PSD3: variants seen among roughly 807,000 people sequenced by gnomAD.
PSD3 encodes the protein pleckstrin and Sec7 domain containing 3.
In PSD3, 49 loss-of-function variants were observed where a neutral mutation model predicts 105.5. The observed-to-expected ratio is 0.46, with a 90% CI of 0.37 to 0.59. The LOEUF is 0.59. Ranked by LOEUF, PSD3 falls within the 20% of genes least tolerant of loss-of-function variation. The probability of loss-of-function intolerance (pLI) is 0.00; values close to 1 mark genes in which losing one functional copy is unlikely to be tolerated. For missense variants in PSD3, 1,561 were observed against 1,263.8 expected (o/e 1.24, Z -3.57); for synonymous variants, 557 against 457.8 (o/e 1.22, Z -2.77).
At chr8:18,713,532 A>G (rs577699240) in intron 9 of PSD3, among the ~76,000 whole-genome samples, 1 of 152,274 alleles carries the variant, frequency 6.6e-6, no homozygotes, top group African/African-American at 2.4e-5. Flanking sequence ...CCCATTCACA[A>G]TTGCTACAAA....
At chr8:18,812,806 G>A (rs953981145) in intron 4 of PSD3, among the ~76,000 whole-genome samples, 1 of 152,160 alleles carries the variant, frequency 6.6e-6, no homozygotes, top group Admixed American at 6.5e-5. Flanking sequence ...ATTCTCAGTC[G>A]CTGGCCTGCG....
Position 19,071,268 on chromosome 8 carries a change from G to A in PSD3, c.324+12938C>T, listed in dbSNP as rs150235989. The stretch of plus-strand genomic sequence containing the variant: ...TTTTTAGTAGAGATGGGGTTTTGCC[G>A]TGTTGGCCAGGCTGGTGTTGAACTC... On this transcript the variant is annotated intron_variant, in intron 1 of 1. Coordinates refer to the PSD3 transcript ENST00000521475. Among the ~76,000 whole-genome samples the A allele has an allele frequency of 6.4e-3, 974 of 152,068 alleles. 6 individuals are homozygous for A. Among genetic ancestry groups the A allele is most frequent in the Non-Finnish European group, 7.4e-3 (506 of 67,990 alleles).
At chr8:18,862,559 T>C (rs1486600257) in intron 4 of PSD3, among the ~76,000 whole-genome samples, 1 of 152,126 alleles carries the variant, frequency 6.6e-6, no homozygotes, top group Non-Finnish European at 1.5e-5. Flanking sequence ...CCAGCACCAA[T>C]GGCAGAAAAG....
intron 9 of PSD3, among the ~76,000 whole-genome samples, chr8:18,698,378 C>T (rs971991590): frequency 6.6e-6 from 1 of 152,076 alleles, no homozygotes; most frequent in African/African-American, 2.4e-5. Context: ...CTTGGCCTCC[C>T]GAAGTGCTAA....
chr8:18,759,092 A>ACT (rs748135836), intron 9 of PSD3, among the ~76,000 whole-genome samples: 3,892 of 143,890 alleles, frequency 0.027, 69 homozygotes, highest in African/African-American at 0.044. Flanking sequence ...ACACACACAC[A>ACT]CTCTCTCTCT....
intron 9 of PSD3, among the ~76,000 whole-genome samples, chr8:18,757,357 G>C (rs949358807): frequency 2.0e-5 from 3 of 151,806 alleles, no homozygotes; most frequent in Admixed American, 2.0e-4. Context: ...CCAGCTACTC[G>C]GGAGGCTGTG....
At chr8:18,666,335 G>C (rs1427762267) in intron 9 of PSD3, among the ~76,000 whole-genome samples, 2 of 152,246 alleles carry the variant, frequency 1.3e-5, no homozygotes, top group African/African-American at 4.8e-5. Flanking sequence ...AAAGGCGTGA[G>C]CCACCTCACC....
intron 4 of PSD3, among the ~76,000 whole-genome samples, chr8:18,863,508 C>T (rs1219109827): frequency 2.0e-5 from 3 of 152,072 alleles, no homozygotes; most frequent in Non-Finnish European, 2.9e-5. Flanking sequence ...GAGCTGTTTC[C>T]GGCTGACATG....
rs1327499012 is a variant in PSD3, at chr8:18,871,887, A to G, written c.977T>C (p.Leu326Pro). The G allele has an allele frequency of 6.2e-7, 1 of 1,614,088 alleles. No homozygotes were observed. Among genetic ancestry groups the G allele is most frequent in the Non-Finnish European group, 8.5e-7 (1 of 1,180,026 alleles). The change falls in exon 3 of 16, where the codon CTG becomes CCG. Residue 326 changes from leucine (L) to proline (P), a missense_variant. Physicochemically the swap from Leu to Pro is moderately conservative, Grantham distance 98 (BLOSUM62 -3). Coordinates refer to ENST00000327040, the MANE Select transcript of PSD3 (RefSeq NM_015310.4). ...GCTGTCAGGAGAGGCTGTTCTTTGCAGTGATGTCTCAAAATCTATAGGATG... is the reference window on the plus strand; with the variant it reads ...GCTGTCAGGAGAGGCTGTTCTTTGCGGTGATGTCTCAAAATCTATAGGATG... ...TQHPIDFETS[L>P]QRTASPDSKE... is the part of the protein sequence containing the mutation.
At chr8:18,999,651 AT>A (rs1826269948) in intron 1 of PSD3, among the ~76,000 whole-genome samples, 1 of 151,854 alleles carries the variant, frequency 6.6e-6, no homozygotes, top group Non-Finnish European at 1.5e-5. Context: ...TTTTAAAATT[AT>A]TTTTTACTAA....
intron 1 of PSD3, among the ~76,000 whole-genome samples, chr8:19,012,270 A>G (rs1826984939): frequency 6.6e-6 from 1 of 152,240 alleles, no homozygotes; most frequent in Non-Finnish European, 1.5e-5. Flanking sequence ...GCCAGCCACT[A>G]AAAACTGGTT....
intron 2 of PSD3, among the ~76,000 whole-genome samples, chr8:18,926,142 T>G (rs1024418974): frequency 2.6e-5 from 4 of 151,650 alleles, no homozygotes; most frequent in Admixed American, 6.6e-5. Context: ...AATATGTATG[T>G]GTGAATCAGT....
At chr8:18,906,800 C>A (rs888404904) in intron 2 of PSD3, among the ~76,000 whole-genome samples, 6 of 152,136 alleles carry the variant, frequency 3.9e-5, no homozygotes, top group Non-Finnish European at 5.9e-5. Flanking sequence ...CAATGACTAA[C>A]TGCATATACA....
At chr8:18,922,813 T>A (rs1250790342) in intron 2 of PSD3, among the ~76,000 whole-genome samples, 1 of 152,208 alleles carries the variant, frequency 6.6e-6, no homozygotes, top group African/African-American at 2.4e-5. Context: ...CAACTTCTGA[T>A]AAAGGCTGTT....
chr8:18,848,602 A>G (rs1486891848), intron 4 of PSD3, among the ~76,000 whole-genome samples: 1 of 152,230 alleles, frequency 6.6e-6, no homozygotes, highest in African/African-American at 2.4e-5. Flanking sequence ...TAAGTGCTGT[A>G]TGTTCTCTCT....
chr8:19,070,080 A>C (rs1001340596), intron 1 of PSD3, among the ~76,000 whole-genome samples: 1 of 151,618 alleles, frequency 6.6e-6, no homozygotes, highest in Non-Finnish European at 1.5e-5. Flanking sequence ...AAGTAGCTGG[A>C]TTAGGAGAGG....
intron 2 of PSD3, among the ~76,000 whole-genome samples, chr8:18,902,839 A>G (rs910094457): frequency 6.6e-5 from 10 of 152,278 alleles, no homozygotes; most frequent in Non-Finnish European, 1.5e-4. Context: ...GGCAGTGGTG[A>G]CAGTGGCATA....
chr8:18,896,944 G>GCACCACTC (rs1465122222), intron 2 of PSD3, among the ~76,000 whole-genome samples: 1 of 151,992 alleles, frequency 6.6e-6, no homozygotes, highest in East Asian at 1.9e-4. Flanking sequence ...CCGAGTAGCT[G>GCACCACTC]GGATTACAGG....
intron 4 of PSD3, among the ~76,000 whole-genome samples, chr8:18,840,755 G>A (rs1426723667): frequency 6.6e-6 from 1 of 152,188 alleles, no homozygotes; most frequent in South Asian, 2.1e-4. Flanking sequence ...GGAGAGGTCT[G>A]TCAGGCCAGT....
Sources: allele counts gnomAD v4.1 joint callset (sites outside exome capture counted in the v4.1 genomes callset), GRCh38; gene constraint gnomAD v4.1.1; transcripts MANE v1.5; gene names NCBI Gene and HGNC (gene_info 2026-07-23, HGNC 2026-07-21).